Variants in GRIK2 observed in about 807,000 individuals in gnomAD.
GRIK2 encodes glutamate receptor ionotropic, kainate 2.
GRIK2 carries 32 observed loss-of-function variants against 100.3 expected under a neutral mutation model. The ratio of observed to expected loss-of-function variants is 0.32; its 90% confidence interval spans 0.24 to 0.43. The LOEUF is 0.43. GRIK2 is among the 20% of genes least tolerant of loss of function. The probability of loss-of-function intolerance (pLI) is 1.00; values close to 1 mark genes in which losing one functional copy is unlikely to be tolerated. For synonymous variants in GRIK2, 417 were observed against 389.4 expected (o/e 1.07, Z -0.83); for missense variants, 843 against 1,114.9 (o/e 0.76, Z 3.47).
intron 2 of GRIK2, among the ~76,000 whole-genome samples, chr6:101,453,873 A>G (rs564912528): frequency 6.6e-6 from 1 of 152,218 alleles, no homozygotes; most frequent in African/African-American, 2.4e-5. Flanking sequence ...TTCAAAATGT[A>G]GAATTGCTAA....
intron 7 of GRIK2, among the ~76,000 whole-genome samples, chr6:101,775,815 A>T (rs1474319567): frequency 6.6e-6 from 1 of 151,060 alleles, no homozygotes; most frequent in Non-Finnish European, 1.5e-5. Flanking sequence ...TGGAATATAG[A>T]TATATATATA....
intron 2 of GRIK2, among the ~76,000 whole-genome samples, chr6:101,527,279 T>A (rs1292893457): frequency 1.3e-5 from 2 of 152,212 alleles, no homozygotes; most frequent in African/African-American, 4.8e-5. Flanking sequence ...AAGTGCTTGC[T>A]AAAACACAGA....
chr6:101,891,377 C>T (rs915664511), intron 12 of GRIK2, among the ~76,000 whole-genome samples: 11 of 151,510 alleles, frequency 7.3e-5, no homozygotes, highest in African/African-American at 1.5e-4. Flanking sequence ...ATTAACTGGG[C>T]GTGGTGGTGT....
intron 1 of GRIK2, among the ~76,000 whole-genome samples, chr6:101,394,392 T>C (rs1014470127): frequency 2.0e-5 from 3 of 152,208 alleles, no homozygotes; most frequent in Non-Finnish European, 4.4e-5. Flanking sequence ...ATCATAAACC[T>C]CAAGAACTTT....
At chr6:101,592,389 G>A (rs1030687709) in intron 2 of GRIK2, among the ~76,000 whole-genome samples, 4 of 151,418 alleles carry the variant, frequency 2.6e-5, no homozygotes, top group African/African-American at 9.7e-5. Flanking sequence ...TGATGGATCT[G>A]TGTCCTTATA....
chr6:101,844,989 C>T (rs1003696674), intron 10 of GRIK2, among the ~76,000 whole-genome samples: 1 of 150,420 alleles, frequency 6.6e-6, no homozygotes, highest in South Asian at 2.1e-4. Context: ...ATTTATTCTG[C>T]GTTCATTGTT....
chr6:101,889,782 T>C lies in GRIK2; in HGVS notation c.1667T>C (p.Leu556Pro). 1 of 1,613,576 alleles carries C rather than the reference T, an allele frequency of 6.2e-7. No individual in the cohort carries two copies. The highest frequency in any genetic ancestry group is 8.5e-7 in the Non-Finnish European group (1 of 1,179,586). The change falls in exon 12 of 17, where the codon CTG (leucine) becomes CCG (proline). Residue 556 changes from leucine (L) to proline (P), a missense_variant. This residue lies in a region of GRIK2 where 237 missense variants were observed against 388.0 expected (regional missense o/e 0.61). Transcript: ENST00000369134. Reference protein sequence around the residue: ...NGTNPGVFSFLNPLSPDIWMY... With the variant: ...NGTNPGVFSFPNPLSPDIWMY... ...ACAAACCCAGGCGTCTTCTCCTTCCTGAATCCTCTCTCCCCTGATATCTGG... is the reference window on the plus strand; with the variant it reads ...ACAAACCCAGGCGTCTTCTCCTTCCCGAATCCTCTCTCCCCTGATATCTGG...
At chr6:102,047,911 G>A (rs1003452276) in intron 15 of GRIK2, among the ~76,000 whole-genome samples, 4 of 151,594 alleles carry the variant, frequency 2.6e-5, no homozygotes, top group African/African-American at 9.7e-5. Context: ...GCAATAATGA[G>A]CAAAATAAAA....
intron 2 of GRIK2, among the ~76,000 whole-genome samples, chr6:101,619,216 T>C (rs1437463542): frequency 6.6e-6 from 1 of 151,504 alleles, no homozygotes; most frequent in Non-Finnish European, 1.5e-5. Context: ...CTCTTTTCTT[T>C]AGTTAACATT....
At chr6:101,773,502 A>G (rs973762889) in intron 7 of GRIK2, among the ~76,000 whole-genome samples, 2 of 151,828 alleles carry the variant, frequency 1.3e-5, no homozygotes, top group African/African-American at 4.8e-5. Flanking sequence ...AAGGAAAAAA[A>G]AAACTAGTGA....
At chr6:101,685,995 G>C (rs1771661412) in intron 6 of GRIK2, among the ~76,000 whole-genome samples, 185 bp from the exon 7 acceptor site, 1 of 152,030 alleles carries the variant, frequency 6.6e-6, no homozygotes. Context: ...TACGGAGCAT[G>C]TATCTCTGCA....
At chr6:102,029,311 C>T (rs1199296376) in intron 14 of GRIK2, among the ~76,000 whole-genome samples, 1 of 151,236 alleles carries the variant, frequency 6.6e-6, no homozygotes, top group Non-Finnish European at 1.5e-5. Context: ...AATGTATTTA[C>T]AGGTGGCTCC....
chr6:101,595,688 G>GTATATA (rs141047474), intron 2 of GRIK2, among the ~76,000 whole-genome samples: 6,593 of 130,546 alleles, frequency 0.051, 556 homozygotes, highest in African/African-American at 0.18. Flanking sequence ...ATTTGTGCAT[G>GTATATA]TATATATATA....
chr6:101,661,428 C>T (rs530474584), intron 4 of GRIK2, among the ~76,000 whole-genome samples: 11 of 152,102 alleles, frequency 7.2e-5, no homozygotes, highest in Admixed American at 2.0e-4. Context: ...GGGTGAGATA[C>T]GCTGAGCTAG....
At chr6:102,027,876 T>C (rs1479827200) in intron 14 of GRIK2, among the ~76,000 whole-genome samples, 1 of 151,134 alleles carries the variant, frequency 6.6e-6, no homozygotes, top group African/African-American at 2.4e-5. Flanking sequence ...TTGTCAAATA[T>C]GTTGCTCCCA....
chr6:101,858,797 G>C (rs1319151157), intron 10 of GRIK2, among the ~76,000 whole-genome samples: 2 of 151,690 alleles, frequency 1.3e-5, no homozygotes, highest in Non-Finnish European at 2.9e-5. Context: ...TATATAAAAA[G>C]TCCACACTCC....
intron 7 of GRIK2, among the ~76,000 whole-genome samples, chr6:101,748,566 ATATT>A (rs1315779819): frequency 2.0e-5 from 3 of 151,980 alleles, no homozygotes; most frequent in African/African-American, 4.8e-5. Flanking sequence ...TACATTATAA[ATATT>A]TATATAAATT....
chr6:101,975,966 A>G (rs1582651840), intron 14 of GRIK2, among the ~76,000 whole-genome samples: 1 of 152,174 alleles, frequency 6.6e-6, no homozygotes, highest in Middle Eastern at 3.4e-3. Flanking sequence ...AATAATTGAT[A>G]ACATAACATC....
At chr6:101,688,053 T>G (rs1771829714) in intron 7 of GRIK2, among the ~76,000 whole-genome samples, 1 of 147,268 alleles carries the variant, frequency 6.8e-6, no homozygotes, top group Non-Finnish European at 1.5e-5. Context: ...TGTGAATATT[T>G]TTATATAATA....
Sources: gnomAD v4.1 joint callset for allele counts (sites outside exome capture counted in the v4.1 genomes callset) on GRCh38, gnomAD v4.1.1 for gene constraint, gnomAD v4.1.1 regional missense constraint, MANE v1.5 for transcripts, NCBI Gene and HGNC (gene_info 2026-07-23, HGNC 2026-07-21) for gene names.